Variants in THBS3 observed in about 807,000 individuals in gnomAD.
The protein encoded by THBS3 is thrombospondin-3.
THBS3 carries 78 observed loss-of-function variants against 118.3 expected under a neutral mutation model. The ratio of observed to expected loss-of-function variants is 0.66; its 90% CI spans 0.55 to 0.80. The LOEUF is 0.80. Ranked by LOEUF, THBS3 falls within the 30% of genes least tolerant of loss-of-function variation. The pLI, the probability that THBS3 is intolerant of heterozygous loss-of-function variation, is 0.00. For synonymous variants in THBS3, 427 were observed against 475.3 expected (o/e 0.90, Z 1.32); for missense variants, 1,057 against 1,247.4 (o/e 0.85, Z 2.30).
chr1:155,196,791 G>T, intron 21 of THBS3: 2 of 515,822 alleles, frequency 3.9e-6, no homozygotes, highest in Non-Finnish European at 7.0e-6. Context: ...AGATTGGCCT[G>T]GGTTTGGAGG....
Position 155,206,493 on chromosome 1 carries a change from C to A in THBS3, c.80-87G>T, listed in dbSNP as rs1670562287. 2.6e-6 allele frequency: 3 copies of A among 1,174,754 alleles called. No homozygotes were observed. The highest frequency in any genetic ancestry group is 2.0e-5 in the Admixed American group (1 of 50,090). The allele number at this position is 1,174,754 out of a possible 1,614,324, so 72.8% of individuals were successfully genotyped here. Reference sequence around the variant, plus strand: ...CCGAGCCCACATCACCCCCTACCCCCACCACCAGGCAGCGTTAGTCACCTC... The same window carrying A: ...CCGAGCCCACATCACCCCCTACCCCAACCACCAGGCAGCGTTAGTCACCTC... On this transcript the variant is annotated intron_variant, in intron 1 of 22. Coordinates refer to ENST00000368378, the MANE Select transcript of THBS3 (RefSeq NM_007112.5). This position sits in a 1 kb window ranked among gnomAD's most constrained non-coding sequence, Gnocchi z 4.2.
At chr1:155,196,780 C>T (rs1045952173) in intron 21 of THBS3, 2 of 500,780 alleles carry the variant, frequency 4.0e-6, no homozygotes, top group African/African-American at 3.8e-5. Flanking sequence ...TGCCCCTTCA[C>T]AGATTGGCCT....
At position 155,198,033 on chromosome 1, in the gene THBS3, C is replaced by G. The variant is rs754525660; in HGVS notation, c.2253+9G>C. 3 of 1,614,184 alleles carry G rather than the reference C, an allele frequency of 1.9e-6. No individual in the cohort carries two copies. In the South Asian group the frequency reaches 3.3e-5, roughly 18 times the overall value. On this transcript the variant is annotated intron_variant, in intron 18 of 22. Transcript: ENST00000368378. ...GATAGCACCTGCCCAGCCCACTGCC[C>G]CGAGTTACCTGGTTGAGCACAACCC... is the stretch of plus-strand genomic sequence containing the variant.
rs1382426098 is a variant in THBS3 at position 155,205,290 on chromosome 1, C to G, written c.313G>C (p.Gly105Arg). 1 of 1,614,000 alleles carries G rather than the reference C, an allele frequency of 6.2e-7. No homozygotes were observed. Among genetic ancestry groups the G allele is most frequent in the Admixed American group, 1.7e-5 (1 of 60,022 alleles). Reference protein sequence around the residue: ...KVLVRYQREDGKVHAVNLQQA... With the variant: ...KVLVRYQREDRKVHAVNLQQA... ...TGTAGGTTCACGGCGTGGACTTTGCCATCCTCCCGCTGGTATCGCACCAGT... is the reference window on the plus strand; with the variant it reads ...TGTAGGTTCACGGCGTGGACTTTGCGATCCTCCCGCTGGTATCGCACCAGT... Residue 105 changes from glycine to arginine, a missense_variant, in exon 3 of 23, where the codon GGC becomes CGC. By Grantham distance (125) the Gly-to-Arg change is moderately radical. Coordinates refer to ENST00000368378, the MANE Select transcript of THBS3 (RefSeq NM_007112.5).
At chr1:155,208,960 T>C (rs1212306687), upstream of THBS3, 8 of 1,608,670 alleles carry the variant, frequency 5.0e-6, no homozygotes, top group Non-Finnish European at 6.8e-6. Context: ...CTTCAGGGGT[T>C]CGGGGCTCCA....
chr1:155,208,100 C>T (rs1477312554), upstream of THBS3: 2 of 578,410 alleles, frequency 3.5e-6, no homozygotes, highest in African/African-American at 1.9e-5. Flanking sequence ...CTGCTTTCTA[C>T]CTCTCCCTAA....
At chr1:155,204,215 A>G (rs1015293749) in intron 4 of THBS3, among the ~76,000 whole-genome samples, 9 of 152,304 alleles carry the variant, frequency 5.9e-5, no homozygotes, top group African/African-American at 2.2e-4. Context: ...AGAGCTTCTG[A>G]ACATCCCTGT....
Position 155,196,135 on chromosome 1 carries a change from G to A in THBS3, c.2673-9C>T. The A allele has an allele frequency of 6.2e-7, 1 of 1,613,840 alleles. No homozygotes were observed. Among genetic ancestry groups the A allele is most frequent in the Non-Finnish European group, 8.5e-7 (1 of 1,180,026 alleles). ...CCTCATAGAGCTTCACCCTGTCCAG[G>A]ATTCCAGGATAGGAGTATCCATTGG... On this transcript the variant is annotated splice_polypyrimidine_tract_variant and intron_variant, in intron 21 of 22. Coordinates refer to ENST00000368378, the MANE Select transcript of THBS3 (RefSeq NM_007112.5).
intron 10 of THBS3, 49 bp downstream of exon 10, chr1:155,201,908 G>A: frequency 6.2e-7 from 1 of 1,611,620 alleles, no homozygotes; most frequent in Non-Finnish European, 8.5e-7. Context: ...GGGGGTTGGG[G>A]TTTTACCATT....
Position 155,197,681 on chromosome 1 carries a change from G to A in THBS3, c.2303-22C>T, listed in dbSNP as rs776444779. The A allele has an allele frequency of 2.5e-6, 4 of 1,607,410 alleles. No individual in the cohort carries two copies. In the East Asian group the frequency reaches 6.7e-5, roughly 27 times the overall value. On this transcript the variant is annotated intron_variant, in intron 19 of 22. Coordinates refer to ENST00000368378, the MANE Select transcript of THBS3 (RefSeq NM_007112.5). The surrounding 1 kb of genome is among the most constrained non-coding windows in gnomAD (Gnocchi z 5.0). ...TATCCTGGGGTGGGGGTGGGATAAAGGTCAGGGGCAGCAAAGCTACTGGCG... is the reference window on the plus strand; with the variant it reads ...TATCCTGGGGTGGGGGTGGGATAAAAGTCAGGGGCAGCAAAGCTACTGGCG...
chr1:155,209,123 C>T, upstream of THBS3: 2 of 1,542,032 alleles, frequency 1.3e-6, no homozygotes, highest in Admixed American at 4.0e-5. Flanking sequence ...CAGAAGAAGC[C>T]TCGCCTCCCC....
At position 155,206,272 on chromosome 1, in the gene THBS3, GGAC is replaced by G. The variant is rs1409267053; in HGVS notation, c.211_213del (p.Val71del). On this transcript the variant is annotated inframe_deletion, in exon 2 of 23. Coordinates refer to ENST00000368378, the MANE Select transcript of THBS3 (RefSeq NM_007112.5). The surrounding 1 kb of genome is among the most constrained non-coding windows in gnomAD (Gnocchi z 4.2). ...TCTTGGCGAGAATAGAGGCCAAAGA[GGAC>G]ACCACCCTGCTTGGGGGGCAGGCGG... The G allele has an allele frequency of 6.2e-7, 1 of 1,614,052 alleles. No individual in the cohort carries two copies. Among genetic ancestry groups the G allele is most frequent in the Non-Finnish European group, 8.5e-7 (1 of 1,180,040 alleles).
Position 155,197,499 on chromosome 1 carries a change from G to A in THBS3, c.2463C>T (p.Pro821=), listed in dbSNP as rs369385355. 4 of 1,613,910 alleles carry A rather than the reference G, an allele frequency of 2.5e-6. No homozygotes were observed. The Admixed American group carries it at 5.0e-5, about 20-fold the overall frequency. The change falls in exon 20 of 23, where the codon CCC becomes CCT. Residue 821 remains proline (P), a synonymous_variant. Transcript: ENST00000368378. This position sits in a 1 kb window ranked among gnomAD's most constrained non-coding sequence, Gnocchi z 5.0. ...GCCCGGGCTGGGCAACCGCCCGGAA[G>A]GGTGTAGCCTGCCAGTAGGTCTGCT... The part of the protein sequence containing the change: ...QTEQTYWQAT[P]FRAVAQPGLQ...
rs1670516010 is a variant in THBS3 at position 155,206,172 on chromosome 1, T to C, written c.286+28A>G. ...GGAGAGTGCTTAAGGAGGTCACCAT[T>C]GCAAGAAAGGAGATGCCCACCAGTC... On this transcript the variant is annotated intron_variant, in intron 2 of 22. Coordinates refer to ENST00000368378, the MANE Select transcript of THBS3 (RefSeq NM_007112.5). The surrounding 1 kb of genome is among the most constrained non-coding windows in gnomAD (Gnocchi z 4.2). The C allele has an allele frequency of 1.2e-6, 2 of 1,611,598 alleles. No homozygotes were observed. Among genetic ancestry groups the C allele is most frequent in the Non-Finnish European group, 1.7e-6 (2 of 1,178,982 alleles).
In THBS3 at chr1:155,203,323, G is replaced by A. The variant is rs1670074052; in HGVS notation, c.674-18C>T. The A allele has an allele frequency of 6.2e-7, 1 of 1,613,410 alleles. No individual in the cohort carries two copies. The highest frequency in any genetic ancestry group is 8.5e-7 in the Non-Finnish European group (1 of 1,179,724). On this transcript the variant is annotated intron_variant, in intron 5 of 22. Transcript: ENST00000368378. ...CTGCTCCCCTGTCGGGACCCAGGGT[G>A]TGAGGGGTTCAGTACTGGAGCACCA...
rs1484681130 is a variant in THBS3 at position 155,201,862 on chromosome 1, G to C, written c.1176+95C>G. On this transcript the variant is annotated intron_variant, in intron 10 of 22. Coordinates refer to ENST00000368378, the MANE Select transcript of THBS3 (RefSeq NM_007112.5). Reference sequence around the variant, plus strand: ...AATCTGTGTAGTGCCCTGGGGAGGAGGAAAGGCAGCAGGAAATTTGAAGGT... The same window carrying C: ...AATCTGTGTAGTGCCCTGGGGAGGACGAAAGGCAGCAGGAAATTTGAAGGT... The C allele has an allele frequency of 4.5e-6, 7 of 1,564,976 alleles. No homozygotes were observed. In the Admixed American group the frequency reaches 1.0e-4, roughly 23 times the overall value.
In THBS3 at chr1:155,206,506, C is replaced by T. The variant is rs562735879; in HGVS notation, c.80-100G>A. ...ACCCCCTACCCCCACCACCAGGCAG[C>T]GTTAGTCACCTCAAAATTCAACCCT... On this transcript the variant is annotated intron_variant, in intron 1 of 22. Coordinates refer to ENST00000368378, the MANE Select transcript of THBS3 (RefSeq NM_007112.5). The surrounding 1 kb of genome is among the most constrained non-coding windows in gnomAD (Gnocchi z 4.2). The T allele has an allele frequency of 1.2e-4, 120 of 1,025,048 alleles. 1 individual carries two copies. Among genetic ancestry groups the T allele is most frequent in the South Asian group, 7.8e-4 (55 of 70,160 alleles). The allele number at this position is 1,025,048 out of a possible 1,614,324, so 63.5% of individuals were successfully genotyped here. A position where few individuals can be genotyped will look rare whatever the true frequency, so the allele number is the denominator to read the frequency against.
intron 15 of THBS3, 34 bp downstream of exon 15, chr1:155,199,961 T>G: frequency 6.2e-7 from 1 of 1,606,016 alleles, no homozygotes; most frequent in Non-Finnish European, 8.5e-7. Context: ...ATCAGTACCC[T>G]CATCCCTCCC....
Position 155,197,720 on chromosome 1 carries a change from T to C in THBS3, c.2303-61A>G, listed in dbSNP as rs1300209433. The C allele has an allele frequency of 5.0e-6, 8 of 1,601,018 alleles. No individual in the cohort carries two copies. Among genetic ancestry groups the C allele is most frequent in the Non-Finnish European group, 6.8e-6 (8 of 1,170,242 alleles). On this transcript the variant is annotated intron_variant, in intron 19 of 22. Coordinates refer to ENST00000368378, the MANE Select transcript of THBS3 (RefSeq NM_007112.5). The surrounding 1 kb of genome is among the most constrained non-coding windows in gnomAD (Gnocchi z 5.0). ...AAGCTACTGGCGGCCCATCATGGGG[T>C]AAAGTTGGGAAGGGATGCCTGCTAT... is the stretch of plus-strand genomic sequence containing the variant.
Sources: gnomAD v4.1 joint callset for allele counts (sites outside exome capture counted in the v4.1 genomes callset) on GRCh38, gnomAD v4.1.1 for gene constraint, Gnocchi (gnomAD v3.1) non-coding constraint, MANE v1.5 for transcripts, NCBI Gene and HGNC (gene_info 2026-07-23, HGNC 2026-07-21) for gene names.